Variants in LRP1B observed in about 807,000 individuals in gnomAD.
The protein encoded by LRP1B is LDL receptor related protein 1B.
A neutral mutation model predicts 556.6 loss-of-function variants in LRP1B; 217 were observed. The ratio of observed to expected loss-of-function variants is 0.39; its 90% CI spans 0.35 to 0.44. The LOEUF is 0.44. Ranked by LOEUF, LRP1B falls within the 20% of genes least tolerant of loss-of-function variation. LRP1B has a pLI of 1.00. For synonymous variants in LRP1B, 2,047 were observed against 1,865.8 expected, an observed-to-expected ratio of 1.10 and a Z score of -2.50; for missense variants, 5,053 against 5,620.8, an observed-to-expected ratio of 0.90 and a Z score of 3.23.
chr2:141,383,138 A>G (rs1416365489), intron 3 of LRP1B, among the ~76,000 whole-genome samples: 2 of 152,334 alleles, frequency 1.3e-5, no homozygotes, highest in East Asian at 3.9e-4. Context: ...ATCATTTGCC[A>G]TCAGAGAAAT....
chr2:140,498,217 T>A (rs1267652382), intron 55 of LRP1B, among the ~76,000 whole-genome samples: 1 of 151,888 alleles, frequency 6.6e-6, no homozygotes, highest in East Asian at 1.9e-4. Context: ...CATTCCAAAT[T>A]ATTTAGAATC....
intron 3 of LRP1B, among the ~76,000 whole-genome samples, chr2:141,468,548 T>C (rs534233715): frequency 6.6e-6 from 1 of 152,302 alleles, no homozygotes; most frequent in East Asian, 1.9e-4. Flanking sequence ...ATAATAAATA[T>C]TTGGGGATCA....
Position 141,059,054 on chromosome 2 carries a change from C to T in LRP1B, c.1237G>A (p.Val413Ile), listed in dbSNP as rs1400080717. 1.3e-6 allele frequency: 2 copies of T among 1,491,908 alleles called. No homozygotes were observed. The highest frequency in any genetic ancestry group is 2.4e-5 in the East Asian group (1 of 40,890). 92.4% of individuals were successfully genotyped at this position (1,491,908 alleles called of 1,614,324 possible). The part of the protein sequence containing the change: ...NRHTVIQGRQ[V>I]RHLYGITVFE... Reference sequence around the variant, plus strand: ...ACAGTTATACCATAAAGATGTCTAACCTATAAAGAGGGCAAAACATAACTA... The same window carrying T: ...ACAGTTATACCATAAAGATGTCTAATCTATAAAGAGGGCAAAACATAACTA... Residue 413 changes from valine (V) to isoleucine (I), a missense_variant and splice_region_variant, in exon 9 of 91, where the codon GTT (valine) becomes ATT (isoleucine). By Grantham distance (29) the Val-to-Ile change is conservative. Coordinates refer to ENST00000389484, the MANE Select transcript of LRP1B (RefSeq NM_018557.3).
intron 7 of LRP1B, among the ~76,000 whole-genome samples, chr2:141,114,074 AC>A (rs1473997232): frequency 1.3e-5 from 2 of 152,102 alleles, no homozygotes; most frequent in Non-Finnish European, 2.9e-5. Flanking sequence ...GAATTCACTG[AC>A]CCCCTCACAG....
chr2:140,415,472 C>T (rs552165295), intron 66 of LRP1B, among the ~76,000 whole-genome samples: 1 of 152,238 alleles, frequency 6.6e-6, no homozygotes, highest in South Asian at 2.1e-4. Flanking sequence ...TATCATGGTC[C>T]TACCAATATG....
At chr2:141,853,769 T>C (rs1574429554) in intron 1 of LRP1B, among the ~76,000 whole-genome samples, 1 of 152,000 alleles carries the variant, frequency 6.6e-6, no homozygotes, top group African/African-American at 2.4e-5. Flanking sequence ...GTGAACACAA[T>C]AAAAAGAGAA....
chr2:140,345,665 T>G (rs1681612138), intron 77 of LRP1B, among the ~76,000 whole-genome samples: 1 of 147,184 alleles, frequency 6.8e-6, no homozygotes, highest in Admixed American at 6.9e-5. Flanking sequence ...TGTGTGTATA[T>G]ATATATATAG....
At chr2:140,665,525 A>G (rs1385022622) in intron 41 of LRP1B, among the ~76,000 whole-genome samples, 3 of 152,104 alleles carry the variant, frequency 2.0e-5, no homozygotes, top group Non-Finnish European at 4.4e-5. Context: ...AGTCTTAATT[A>G]TTTTCCCTTT....
At chr2:141,697,862 C>T (rs1196804877) in intron 2 of LRP1B, among the ~76,000 whole-genome samples, 3 of 151,962 alleles carry the variant, frequency 2.0e-5, no homozygotes, top group Non-Finnish European at 2.9e-5. Context: ...GAGGAAGGTA[C>T]AGCACTCAGC....
At chr2:140,278,649 T>C (rs1682789283) in intron 84 of LRP1B, among the ~76,000 whole-genome samples, 1 of 152,064 alleles carries the variant, frequency 6.6e-6, no homozygotes, top group African/African-American at 2.4e-5. Context: ...GGTTTGCTTA[T>C]GATAAAATTG....
At chr2:140,652,186 A>C (rs894115385) in intron 41 of LRP1B, among the ~76,000 whole-genome samples, 1 of 151,892 alleles carries the variant, frequency 6.6e-6, no homozygotes, top group Non-Finnish European at 1.5e-5. Flanking sequence ...CAAAATTAAA[A>C]TCTATAATTG....
chr2:142,015,764 C>T lies in LRP1B; in HGVS notation c.82+114884G>A, dbSNP rs540859985. On this transcript the variant is annotated intron_variant, in intron 1 of 90. Transcript: ENST00000389484. ...ATCCCAGCACTTTGGGAGGCCGAGG[C>T]GGGCGGATCACGAGGTCAGGCGATC... Among the ~76,000 whole-genome samples, 8 of 151,846 alleles carry T rather than the reference C, an allele frequency of 5.3e-5. No homozygotes were observed. The East Asian group carries it at 7.8e-4, about 15-fold the overall frequency.
chr2:141,411,264 T>A (rs1193855379), intron 3 of LRP1B, among the ~76,000 whole-genome samples: 1 of 152,030 alleles, frequency 6.6e-6, no homozygotes, highest in African/African-American at 2.4e-5. Context: ...ACAGAAAACC[T>A]AAGGTAATCT....
chr2:140,270,182 G>A (rs1485613528), intron 86 of LRP1B, 60 bp downstream of exon 86: 6 of 1,148,524 alleles, frequency 5.2e-6, no homozygotes, highest in South Asian at 3.7e-5. Context: ...AATAGAACAG[G>A]GATTTCATGT....
At chr2:140,832,924 A>G (rs1200483768) in intron 31 of LRP1B, among the ~76,000 whole-genome samples, 1 of 152,242 alleles carries the variant, frequency 6.6e-6, no homozygotes, top group Non-Finnish European at 1.5e-5. Flanking sequence ...ATTTGAGGCA[A>G]TGGATATCTC....
At chr2:140,678,995 T>C (rs1360287357) in intron 41 of LRP1B, among the ~76,000 whole-genome samples, 1 of 152,148 alleles carries the variant, frequency 6.6e-6, no homozygotes, top group Non-Finnish European at 1.5e-5. Flanking sequence ...CAGGCTGGTC[T>C]TGAACTCCTG....
intron 3 of LRP1B, among the ~76,000 whole-genome samples, chr2:141,408,795 T>G (rs2104939073): frequency 6.6e-6 from 1 of 152,288 alleles, no homozygotes; most frequent in Admixed American, 6.5e-5. Flanking sequence ...CGTTGTCATT[T>G]TACTTATAAA....
At chr2:140,947,129 T>C (rs554386899) in intron 20 of LRP1B, among the ~76,000 whole-genome samples, 5 of 152,186 alleles carry the variant, frequency 3.3e-5, no homozygotes, top group African/African-American at 7.2e-5. Flanking sequence ...CAAAATACTC[T>C]TAACAATAAA....
At chr2:140,619,768 A>C (rs1683388028) in intron 41 of LRP1B, among the ~76,000 whole-genome samples, 1 of 152,210 alleles carries the variant, frequency 6.6e-6, no homozygotes, top group African/African-American at 2.4e-5. Context: ...AATACATTAT[A>C]ACAAAATAAC....
Sources: allele counts gnomAD v4.1 joint callset (sites outside exome capture counted in the v4.1 genomes callset), GRCh38; gene constraint gnomAD v4.1.1; transcripts MANE v1.5; gene names NCBI Gene and HGNC (gene_info 2026-07-23, HGNC 2026-07-21).